The following NSUN3 variants were observed in gnomAD, a reference collection of about 807,000 sequenced individuals.
NSUN3 encodes the protein NOP2/Sun RNA methyltransferase 3, also known as tRNA (cytosine(34)-C(5))-methyltransferase, mitochondrial.
Under a neutral mutation model 36.8 loss-of-function variants are expected in NSUN3, and 24 were observed. The ratio of observed to expected loss-of-function variants is 0.65; its 90% CI spans 0.47 to 0.92. The LOEUF is 0.92. Ranked by LOEUF, NSUN3 falls within the 40% of genes least tolerant of loss-of-function variation. The probability of loss-of-function intolerance (pLI) is 0.00; values close to 1 mark genes in which losing one functional copy is unlikely to be tolerated. For missense variants in NSUN3, 381 were observed against 392.8 expected (o/e 0.97, Z 0.25); for synonymous variants, 146 against 145.2 (o/e 1.01, Z -0.04).
At chr3:94,119,200 A>G (rs2077452043) in intron 5 of NSUN3, among the ~76,000 whole-genome samples, 1 of 152,182 alleles carries the variant, frequency 6.6e-6, no homozygotes, top group African/African-American at 2.4e-5. Flanking sequence ...TTTGCTTAGT[A>G]TATTGTAAAA....
At chr3:94,079,070 T>G (rs2077258248) in intron 2 of NSUN3, among the ~76,000 whole-genome samples, 2 of 152,232 alleles carry the variant, frequency 1.3e-5, no homozygotes, top group Non-Finnish European at 2.9e-5. Context: ...TGGTACTGGT[T>G]GTTCCTCTCC....
At chr3:94,121,564 C>T (rs182256142) in intron 5 of NSUN3, among the ~76,000 whole-genome samples, 1 of 152,274 alleles carries the variant, frequency 6.6e-6, no homozygotes, top group Admixed American at 6.5e-5. Flanking sequence ...TAGCAGTTCA[C>T]ATCTCCAGCA....
intron 5 of NSUN3, among the ~76,000 whole-genome samples, chr3:94,115,931 G>A (rs892653400): frequency 6.6e-6 from 1 of 152,166 alleles, no homozygotes; most frequent in Non-Finnish European, 1.5e-5. Flanking sequence ...ATCCTGCATC[G>A]TGGTTTAAAT....
intron 5 of NSUN3, among the ~76,000 whole-genome samples, chr3:94,102,691 G>A (rs1488090213): frequency 5.3e-5 from 8 of 151,976 alleles, no homozygotes; most frequent in African/African-American, 1.9e-4. Context: ...AGAGTTTACT[G>A]ATCAAAGTAT....
At chr3:94,068,814 A>G (rs1335774692) in intron 2 of NSUN3, among the ~76,000 whole-genome samples, 2 of 151,916 alleles carry the variant, frequency 1.3e-5, no homozygotes, top group African/African-American at 4.8e-5. Context: ...ACACATACAC[A>G]CACACAACCT....
chr3:94,077,503 A>C (rs2077251500), intron 2 of NSUN3, among the ~76,000 whole-genome samples: 1 of 152,222 alleles, frequency 6.6e-6, no homozygotes, highest in African/African-American at 2.4e-5. Flanking sequence ...GAATAGTTTC[A>C]GAAGGAATGG....
chr3:94,103,441 A>G (rs13079442), intron 5 of NSUN3, among the ~76,000 whole-genome samples: 9 of 151,674 alleles, frequency 5.9e-5, no homozygotes, highest in Non-Finnish European at 1.3e-4. Context: ...ATATTATTAT[A>G]CAATAGTATA....
chr3:94,078,940 A>G (rs1257413456), intron 2 of NSUN3, among the ~76,000 whole-genome samples: 1 of 152,016 alleles, frequency 6.6e-6, no homozygotes, highest in Non-Finnish European at 1.5e-5. Context: ...TAAAGGTAAT[A>G]TCGTTATGTG....
At chr3:94,113,141 GGT>G (rs1482047438) in intron 5 of NSUN3, among the ~76,000 whole-genome samples, 1 of 152,146 alleles carries the variant, frequency 6.6e-6, no homozygotes, top group Non-Finnish European at 1.5e-5. Flanking sequence ...TGGGATTACA[GGT>G]GTGAGCCACC....
At chr3:94,110,735 TACACACACAC>T (rs145414941) in intron 5 of NSUN3, among the ~76,000 whole-genome samples, 4 of 143,078 alleles carry the variant, frequency 2.8e-5, no homozygotes, top group Admixed American at 1.4e-4. Flanking sequence ...TATACATGTA[TACACACACAC>T]ACACACACAC....
Position 94,127,226 on chromosome 3 carries a change from C to G in NSUN3, c.*736C>G, listed in dbSNP as rs1233152375. ...AGAATTATGGAGTCTATCCAGCAGG[C>G]TATAAAGCAAGTACTTGAGACAAAA... On this transcript the variant is annotated 3_prime_UTR_variant, in exon 6 of 6. Coordinates refer to ENST00000314622, the MANE Select transcript of NSUN3 (RefSeq NM_022072.5). 2 of 152,090 alleles carry G rather than the reference C, an allele frequency of 1.3e-5. No homozygotes were observed. The highest frequency in any genetic ancestry group is 2.9e-5 in the Non-Finnish European group (2 of 68,016). The allele number at this position is 152,090 out of a possible 1,614,324, so 9.4% of individuals were successfully genotyped here.
At chr3:94,068,254 G>A (rs1247408993) in intron 2 of NSUN3, among the ~76,000 whole-genome samples, 5 of 152,164 alleles carry the variant, frequency 3.3e-5, no homozygotes, top group African/African-American at 1.2e-4. Context: ...GACTTCATAT[G>A]CATTAGCATT....
At chr3:94,096,930 C>A (rs1227267528) in intron 5 of NSUN3, among the ~76,000 whole-genome samples, 2 of 152,138 alleles carry the variant, frequency 1.3e-5, no homozygotes, top group African/African-American at 4.8e-5. Flanking sequence ...AGTAAGCAAA[C>A]AGGCTTTCTG....
At chr3:94,072,724 C>T (rs562968239) in intron 2 of NSUN3, among the ~76,000 whole-genome samples, 10 of 151,922 alleles carry the variant, frequency 6.6e-5, no homozygotes, top group African/African-American at 9.7e-5. Context: ...TCTATTTAGG[C>T]CTTATTTTGT....
chr3:94,098,575 TAGTGTAATACTCA>T (rs1425877573), intron 5 of NSUN3, among the ~76,000 whole-genome samples: 2 of 152,196 alleles, frequency 1.3e-5, no homozygotes. Context: ...TTCATACTGT[TAGTGTAATACTCA>T]AGTCCTCTTT....
intron 5 of NSUN3, among the ~76,000 whole-genome samples, chr3:94,123,052 G>A (rs1176627798): frequency 1.3e-5 from 2 of 152,154 alleles, no homozygotes; most frequent in African/African-American, 4.8e-5. Flanking sequence ...AGATAGATGA[G>A]ACAAGTTGAT....
chr3:94,115,618 G>A (rs2077436910), intron 5 of NSUN3, among the ~76,000 whole-genome samples: 1 of 152,184 alleles, frequency 6.6e-6, no homozygotes, highest in African/African-American at 2.4e-5. Flanking sequence ...CTGGTGATAA[G>A]TCATGAGGAA....
chr3:94,114,124 T>G (rs889667502), intron 5 of NSUN3, among the ~76,000 whole-genome samples: 1 of 152,206 alleles, frequency 6.6e-6, no homozygotes, highest in African/African-American at 2.4e-5. Context: ...ATATAGTTAT[T>G]TTTTACCTTC....
intron 2 of NSUN3, among the ~76,000 whole-genome samples, chr3:94,081,397 T>C (rs1169080388): frequency 9.2e-5 from 14 of 152,216 alleles, no homozygotes; most frequent in Non-Finnish European, 1.0e-4. Flanking sequence ...TTAAATCTGA[T>C]TGGGGCTCTC....
Sources: gnomAD v4.1 joint callset for allele counts (sites outside exome capture counted in the v4.1 genomes callset) on GRCh38, gnomAD v4.1.1 for gene constraint, MANE v1.5 for transcripts, NCBI Gene and HGNC (gene_info 2026-07-23, HGNC 2026-07-21) for gene names.